The following PTPRD variants were observed in gnomAD, a reference collection of about 807,000 sequenced individuals.
The protein encoded by PTPRD is receptor-type tyrosine-protein phosphatase delta.
PTPRD carries 34 observed loss-of-function variants against 214.5 expected under a neutral mutation model. The observed-to-expected ratio is 0.16, with a 90% CI of 0.12 to 0.21. PTPRD has a LOEUF of 0.21. Ranked by LOEUF, PTPRD falls within the 10% of genes least tolerant of loss-of-function variation. The probability of loss-of-function intolerance (pLI) is 1.00; values close to 1 mark genes in which losing one functional copy is unlikely to be tolerated. For synonymous variants in PTPRD, 1,128 were observed against 845.7 expected (o/e 1.33, Z -5.79); for missense variants, 2,545 against 2,398.7 (o/e 1.06, Z -1.27).
intron 11 of PTPRD, among the ~76,000 whole-genome samples, chr9:8,969,292 C>A (rs2099221360): frequency 6.6e-6 from 1 of 152,022 alleles, no homozygotes; most frequent in South Asian, 2.1e-4. Flanking sequence ...ACTGAGACAA[C>A]CATCTTGGAG....
chr9:9,692,709 T>G (rs908728777), intron 7 of PTPRD, among the ~76,000 whole-genome samples: 3 of 151,968 alleles, frequency 2.0e-5, no homozygotes, highest in Non-Finnish European at 2.9e-5. Context: ...ATCTGCAGAT[T>G]GCTTTCTGTA....
At chr9:8,461,909 C>T (rs1351844597) in intron 32 of PTPRD, among the ~76,000 whole-genome samples, 2 of 151,914 alleles carry the variant, frequency 1.3e-5, no homozygotes, top group African/African-American at 4.8e-5. Context: ...CTTGGCCTCC[C>T]AAAGTTCTGA....
chr9:8,765,618 T>C (rs1158708690), intron 11 of PTPRD, among the ~76,000 whole-genome samples: 2 of 152,166 alleles, frequency 1.3e-5, no homozygotes, highest in Non-Finnish European at 2.9e-5. Flanking sequence ...GACTGCAACC[T>C]CGTAACAGAT....
intron 10 of PTPRD, among the ~76,000 whole-genome samples, chr9:9,074,559 T>C (rs2099748272): frequency 6.6e-6 from 1 of 152,108 alleles, no homozygotes; most frequent in Admixed American, 6.5e-5. Context: ...AGACCAAGAC[T>C]ATGTAAATAT....
At chr9:9,764,471 A>G (rs2098690266) in intron 6 of PTPRD, among the ~76,000 whole-genome samples, 3 of 152,198 alleles carry the variant, frequency 2.0e-5, no homozygotes, top group Non-Finnish European at 1.5e-5. Flanking sequence ...ATAAAGACAA[A>G]TATTATCACA....
chr9:9,131,648 T>G (rs1301997026), intron 10 of PTPRD, among the ~76,000 whole-genome samples: 1 of 152,190 alleles, frequency 6.6e-6, no homozygotes, highest in Non-Finnish European at 1.5e-5. Context: ...GAAAAGCATG[T>G]AATGCTATTC....
intron 6 of PTPRD, among the ~76,000 whole-genome samples, chr9:9,757,182 G>C (rs911958216): frequency 4.6e-5 from 7 of 152,004 alleles, no homozygotes; most frequent in Non-Finnish European, 1.5e-5. Context: ...ATAATATAAA[G>C]AGTAAAAGTG....
intron 2 of PTPRD, among the ~76,000 whole-genome samples, chr9:10,433,345 A>G (rs1019639307): frequency 6.6e-6 from 1 of 151,960 alleles, no homozygotes; most frequent in African/African-American, 2.4e-5. Flanking sequence ...AGCACTTCTT[A>G]TCACAGGTAC....
At chr9:9,201,944 AC>A (rs1322710608) in intron 9 of PTPRD, among the ~76,000 whole-genome samples, 2 of 152,240 alleles carry the variant, frequency 1.3e-5, no homozygotes, top group African/African-American at 4.8e-5. Flanking sequence ...AGGAAATGAA[AC>A]ACTAATAACT....
chr9:9,365,964 A>C (rs1309147132), intron 9 of PTPRD, among the ~76,000 whole-genome samples: 4 of 151,546 alleles, frequency 2.6e-5, no homozygotes, highest in African/African-American at 9.7e-5. Context: ...TATAGCATGG[A>C]TCTTTGCAGA....
In PTPRD at chr9:10,025,896, T is replaced by C. The variant is rs115585937; in HGVS notation, c.-472+7822A>G. 6.9e-3 allele frequency among the ~76,000 whole-genome samples: 1,050 copies of C among 152,208 alleles called. 8 individuals are homozygous for C. Among genetic ancestry groups the C allele is most frequent in the African/African-American group, 0.024 (992 of 41,516 alleles). On this transcript the variant is annotated intron_variant, in intron 4 of 45. Coordinates refer to ENST00000381196, the MANE Select transcript of PTPRD (RefSeq NM_002839.4). ...TTTCAACCTCACCACTTGAGAAATATAAAGGGTAAGAAAAGATCCTAACCA... is the reference window on the plus strand; with the variant it reads ...TTTCAACCTCACCACTTGAGAAATACAAAGGGTAAGAAAAGATCCTAACCA...
At chr9:10,470,889 T>G (rs1013802470) in intron 2 of PTPRD, among the ~76,000 whole-genome samples, 2 of 152,026 alleles carry the variant, frequency 1.3e-5, no homozygotes, top group African/African-American at 4.8e-5. Flanking sequence ...TAGCAAAGAC[T>G]GGAACCAACC....
At chr9:8,989,641 A>G (rs2099358756) in intron 11 of PTPRD, among the ~76,000 whole-genome samples, 1 of 152,080 alleles carries the variant, frequency 6.6e-6, no homozygotes, top group Non-Finnish European at 1.5e-5. Context: ...TTCATCTGTA[A>G]AATTATGTGA....
At chr9:8,958,729 G>A (rs1355009200) in intron 11 of PTPRD, 1 of 151,982 alleles carries the variant, frequency 6.6e-6, no homozygotes, top group Non-Finnish European at 1.5e-5. Context: ...AAGAATTTCA[G>A]AAGAGAAAGA....
intron 12 of PTPRD, among the ~76,000 whole-genome samples, chr9:8,732,498 T>G (rs1291641679): frequency 6.6e-6 from 1 of 152,222 alleles, no homozygotes; most frequent in South Asian, 2.1e-4. Context: ...AGCTTTGACA[T>G]AAATGGCTTT....
At chr9:9,168,907 A>G (rs1462392264) in intron 10 of PTPRD, among the ~76,000 whole-genome samples, 2 of 151,502 alleles carry the variant, frequency 1.3e-5, no homozygotes, top group East Asian at 1.9e-4. Flanking sequence ...TTTTTTTTGT[A>G]GTGAAGTAGA....
At chr9:9,003,550 C>A (rs2099433764) in intron 11 of PTPRD, among the ~76,000 whole-genome samples, 2 of 151,994 alleles carry the variant, frequency 1.3e-5, no homozygotes, top group Non-Finnish European at 2.9e-5. Context: ...TTGGCTGGAT[C>A]TCAGTGTTCA....
At chr9:8,450,441 A>G (rs10815877) in intron 33 of PTPRD, among the ~76,000 whole-genome samples, 52,700 of 141,730 alleles carry the variant, frequency 0.37, 10,351 homozygotes, top group East Asian at 0.57. Flanking sequence ...AATGTGAAGG[A>G]AAAAAAACAG....
At chr9:10,416,047 T>C (rs2098483968) in intron 2 of PTPRD, among the ~76,000 whole-genome samples, 1 of 151,656 alleles carries the variant, frequency 6.6e-6, no homozygotes, top group South Asian at 2.1e-4. Context: ...AAGAAAAAAG[T>C]GTTTAAAAAT....
Sources: gnomAD v4.1 joint callset for allele counts (sites outside exome capture counted in the v4.1 genomes callset) on GRCh38, gnomAD v4.1.1 for gene constraint, MANE v1.5 for transcripts, NCBI Gene and HGNC (gene_info 2026-07-23, HGNC 2026-07-21) for gene names.